The following LIMCH1 variants were observed in gnomAD, a reference collection of about 807,000 sequenced individuals.
LIMCH1 encodes the protein LIM and calponin homology domains-containing protein 1.
Under a neutral mutation model 176.5 loss-of-function variants are expected in LIMCH1, and 113 were observed. The ratio of observed to expected loss-of-function variants is 0.64; its 90% confidence interval spans 0.55 to 0.75. The LOEUF (loss-of-function observed/expected upper bound fraction) is 0.75. Ranked by LOEUF, LIMCH1 falls within the 30% of genes least tolerant of loss-of-function variation. The pLI is 0.00. For synonymous variants in LIMCH1, 619 were observed against 645.9 expected (o/e 0.96, Z 0.63); for missense variants, 1,674 against 1,814.9 (o/e 0.92, Z 1.41).
At chr4:41,438,696 T>C (rs2062367330) in intron 1 of LIMCH1, among the ~76,000 whole-genome samples, 1 of 152,122 alleles carries the variant, frequency 6.6e-6, no homozygotes, top group Admixed American at 6.5e-5. Flanking sequence ...GACTATTTTT[T>C]TTTTTTGTTT....
At chr4:41,483,773 A>T (rs1256681885) in intron 1 of LIMCH1, among the ~76,000 whole-genome samples, 1 of 152,114 alleles carries the variant, frequency 6.6e-6, no homozygotes, top group Non-Finnish European at 1.5e-5. Context: ...ATTCCTTCTT[A>T]TCTCAGGACC....
chr4:41,438,336 T>G (rs1487728844), intron 1 of LIMCH1, among the ~76,000 whole-genome samples: 3 of 152,104 alleles, frequency 2.0e-5, no homozygotes, highest in Admixed American at 6.6e-5. Context: ...TGGTCCTGTC[T>G]GATTACAGTG....
At chr4:41,660,427 T>C (rs1236502733) in intron 18 of LIMCH1, among the ~76,000 whole-genome samples, 2 of 152,120 alleles carry the variant, frequency 1.3e-5, no homozygotes, top group Non-Finnish European at 2.9e-5. Flanking sequence ...ACCAAGTGGA[T>C]TGGACAGTGA....
chr4:41,698,009 A>G lies in LIMCH1; in HGVS notation c.*824A>G, dbSNP rs1340173583. On this transcript the variant is annotated 3_prime_UTR_variant, in exon 32 of 32. Transcript: ENST00000503057. Reference sequence around the variant, plus strand: ...AGGAAGTTTAATCTTCCAAAGAGTCAATGTCAGACATCAGGCCTCTGTTGC... The same window carrying G: ...AGGAAGTTTAATCTTCCAAAGAGTCGATGTCAGACATCAGGCCTCTGTTGC... 1.3e-5 allele frequency: 2 copies of G among 152,076 alleles called. No individual in the cohort carries two copies. Among genetic ancestry groups the G allele is most frequent in the Non-Finnish European group, 2.9e-5 (2 of 68,002 alleles). 9.4% of individuals were successfully genotyped at this position (152,076 alleles called of 1,614,324 possible). A position where few individuals can be genotyped will look rare whatever the true frequency, so the allele number is the denominator to read the frequency against.
In LIMCH1 at chr4:41,424,584, T is replaced by C. The variant is rs537687089; in HGVS notation, c.96+63648T>C. 4.6e-3 allele frequency among the ~76,000 whole-genome samples: 695 copies of C among 152,338 alleles called. 8 individuals carry two copies. The highest frequency in any genetic ancestry group is 0.016 in the African/African-American group (651 of 41,570). On this transcript the variant is annotated intron_variant, in intron 1 of 26. Coordinates refer to the LIMCH1 transcript ENST00000313860. ...AGCACCCATATCCAAACATATCATT[T>C]TTTTTTGTTTTGTAATGAAACTTAT...
chr4:41,516,519 C>G (rs2075601367), intron 2 of LIMCH1, among the ~76,000 whole-genome samples: 1 of 152,164 alleles, frequency 6.6e-6, no homozygotes, highest in African/African-American at 2.4e-5. Context: ...TACTCCTTAT[C>G]TAGATTATTT....
chr4:41,400,800 C>G (rs1287985654), intron 1 of LIMCH1, among the ~76,000 whole-genome samples: 1 of 152,152 alleles, frequency 6.6e-6, no homozygotes, highest in African/African-American at 2.4e-5. Flanking sequence ...ACAAATCACA[C>G]CGTGCACCAT....
intron 31 of LIMCH1, among the ~76,000 whole-genome samples, chr4:41,696,622 T>C (rs145116104): frequency 3.2e-4 from 49 of 152,290 alleles, no homozygotes; most frequent in African/African-American, 1.0e-3. Context: ...CCAAATATCA[T>C]ATGGATATGC....
chr4:41,623,686 G>A (rs1415566464), intron 7 of LIMCH1, among the ~76,000 whole-genome samples: 5 of 152,110 alleles, frequency 3.3e-5, no homozygotes, highest in African/African-American at 9.7e-5. Context: ...GCTTGAACCC[G>A]GGAGGCAGAG....
At chr4:41,671,884 CAAAA>C (rs34994833) in intron 22 of LIMCH1, among the ~76,000 whole-genome samples, 4 of 52,350 alleles carry the variant, frequency 7.6e-5, no homozygotes, top group East Asian at 5.0e-4. Flanking sequence ...GACTTCGTCT[CAAAA>C]AAAAAAAAAA....
Position 41,662,823 on chromosome 4 carries a change from C to G in LIMCH1, c.3130C>G (p.Pro1044Ala), listed in dbSNP as rs1432133533. Residue 1044 changes from proline to alanine, a missense_variant and splice_region_variant, in exon 20 of 32, where the codon CCA (proline) becomes GCA (alanine). Pro to Ala is a conservative substitution (Grantham distance 27, BLOSUM62 -1). Transcript: ENST00000503057. ...TTCTGGATGTAACTCCATTGCAGAA[C>G]CACAGCATTTTACAACAACTGTGAC... ...KGNIELASSE[P>A]QHFTTTVTRC... is the part of the protein sequence containing the mutation. 7 of 1,613,874 alleles carry G rather than the reference C, an allele frequency of 4.3e-6. No individual in the cohort carries two copies. Among genetic ancestry groups the G allele is most frequent in the Non-Finnish European group, 5.1e-6 (6 of 1,179,948 alleles).
At chr4:41,635,420 G>A (rs918916444) in intron 13 of LIMCH1, among the ~76,000 whole-genome samples, 11 of 152,126 alleles carry the variant, frequency 7.2e-5, no homozygotes, top group African/African-American at 2.2e-4. Context: ...TAGAGACGGG[G>A]TTTCGCTGTG....
intron 1 of LIMCH1, among the ~76,000 whole-genome samples, chr4:41,481,351 T>C (rs745747993): frequency 1.1e-4 from 16 of 152,220 alleles, no homozygotes; most frequent in Non-Finnish European, 1.8e-4. Flanking sequence ...AGCCCTGGGC[T>C]GGGTGAAAGG....
In LIMCH1 at chr4:41,676,333, C is replaced by A. The variant is rs376920233; in HGVS notation, c.3439-49C>A. 173 of 1,490,212 alleles carry A rather than the reference C, an allele frequency of 1.2e-4. 2 individuals are homozygous for A. The Middle Eastern group carries it at 3.8e-3, about 32-fold the overall frequency. 92.3% of individuals were successfully genotyped at this position (1,490,212 alleles called of 1,614,324 possible). On this transcript the variant is annotated intron_variant, in intron 22 of 31. Coordinates refer to ENST00000503057, the MANE Select transcript of LIMCH1 (RefSeq NM_001330672.2). Reference sequence around the variant, plus strand: ...TTGTCTACTCTTCACCCGGCCTGTCCCTTGAGGACATGGCTCAATTCTGAT... The same window carrying A: ...TTGTCTACTCTTCACCCGGCCTGTCACTTGAGGACATGGCTCAATTCTGAT...
At chr4:41,572,727 G>A (rs567349645) in intron 1 of LIMCH1, among the ~76,000 whole-genome samples, 2 of 152,318 alleles carry the variant, frequency 1.3e-5, no homozygotes, top group African/African-American at 4.8e-5. Flanking sequence ...GTCACATGGT[G>A]TTTGTGTTTT....
chr4:41,367,854 G>A (rs1359677559), intron 1 of LIMCH1, among the ~76,000 whole-genome samples: 1 of 141,714 alleles, frequency 7.1e-6, no homozygotes. Context: ...GCGGCAGTGC[G>A]AGACTCCATC....
At chr4:41,597,683 C>T (rs1047611025) in intron 1 of LIMCH1, among the ~76,000 whole-genome samples, 1 of 152,190 alleles carries the variant, frequency 6.6e-6, no homozygotes, top group Non-Finnish European at 1.5e-5. Flanking sequence ...TCATGGCCAG[C>T]ATGAATTCTG....
intron 18 of LIMCH1, among the ~76,000 whole-genome samples, chr4:41,653,164 A>T (rs1049509982): frequency 6.6e-6 from 1 of 152,072 alleles, no homozygotes; most frequent in African/African-American, 2.4e-5. Flanking sequence ...TCAAATACTC[A>T]TCATACTCAC....
chr4:41,417,054 C>A (rs2060003040), intron 1 of LIMCH1, among the ~76,000 whole-genome samples: 1 of 151,720 alleles, frequency 6.6e-6, no homozygotes, highest in Non-Finnish European at 1.5e-5. Flanking sequence ...AGGTTAGATA[C>A]CCATCTTTAT....
Sources: gnomAD v4.1 joint callset for allele counts (sites outside exome capture counted in the v4.1 genomes callset) on GRCh38, gnomAD v4.1.1 for gene constraint, MANE v1.5 for transcripts, NCBI Gene and HGNC (gene_info 2026-07-23, HGNC 2026-07-21) for gene names.